Variants in TRMT1 observed in about 807,000 individuals in gnomAD.
TRMT1 encodes the protein tRNA (guanine(26)-N(2))-dimethyltransferase.
A neutral mutation model predicts 75.4 loss-of-function variants in TRMT1; 63 were observed. The ratio of observed to expected loss-of-function variants is 0.84; its 90% CI spans 0.68 to 1.03. The LOEUF (loss-of-function observed/expected upper bound fraction) is 1.03. Ranked by LOEUF, TRMT1 falls within the 50% of genes least tolerant of loss-of-function variation. The probability of loss-of-function intolerance (pLI) is 0.00; values close to 1 mark genes in which losing one functional copy is unlikely to be tolerated. For synonymous variants in TRMT1, 382 were observed against 358.1 expected, an observed-to-expected ratio of 1.07 and a Z score of -0.75; for missense variants, 870 against 905.3, an observed-to-expected ratio of 0.96 and a Z score of 0.50.
rs1266531810 is a variant in TRMT1, at chr19:13,115,575, T to A, written c.453+51A>T. On this transcript the variant is annotated intron_variant, in intron 4 of 16. Coordinates refer to ENST00000357720, the MANE Select transcript of TRMT1 (RefSeq NM_001136035.4). ...TATAGCTCTCCCCCTCCAGGAGCCC[T>A]CTGTCTCCCGCTAAATTCCAGGGCT... is the stretch of plus-strand genomic sequence containing the variant. The A allele has an allele frequency of 3.7e-6, 6 of 1,609,568 alleles. No homozygotes were observed. In the Admixed American group the frequency reaches 1.0e-4, roughly 27 times the overall value.
In TRMT1 at chr19:13,105,620, G is replaced by A. The variant is rs1452510180; in HGVS notation, c.1584-14C>T. ...TTGGCCTGCAGCCTAGGGAAGCAGG[G>A]GTGGGGCGTTGGGGCTGGGGGAAGC... On this transcript the variant is annotated splice_polypyrimidine_tract_variant and intron_variant, in intron 14 of 16. Transcript: ENST00000357720. The A allele has an allele frequency of 1.2e-6, 2 of 1,608,854 alleles. No homozygotes were observed. Among genetic ancestry groups the A allele is most frequent in the East Asian group, 2.2e-5 (1 of 44,854 alleles).
chr19:13,107,933 A>C (rs1452547439), intron 12 of TRMT1, 74 bp from the exon 13 acceptor site: 17 of 1,200,902 alleles, frequency 1.4e-5, no homozygotes, highest in Non-Finnish European at 1.9e-5. Context: ...CAGCGTAGGT[A>C]AGACTACCTT....
chr19:13,113,141 T>C (rs770615292), intron 5 of TRMT1, 130 bp from the exon 6 acceptor site: 1 of 517,902 alleles, frequency 1.9e-6, no homozygotes, highest in Non-Finnish European at 3.3e-6. Flanking sequence ...GTTCAAGTCC[T>C]GGCTCAGTCA....
At position 13,105,028 on chromosome 19, in the gene TRMT1, G is replaced by C. The variant is rs1320121599; in HGVS notation, c.1887C>G (p.Pro629=). The change falls in exon 17 of 17, where the codon CCC becomes CCG. Residue 629 remains proline, a synonymous_variant. Coordinates refer to ENST00000357720, the MANE Select transcript of TRMT1 (RefSeq NM_001136035.4). ...QCCYSHSPPT[P]RVSADAAPDC... ...CAGGGGCAGCATCAGCAGAAACCCTGGGTGTCGGGGGGCTGTGGGAGTAGC... is the reference window on the plus strand; with the variant it reads ...CAGGGGCAGCATCAGCAGAAACCCTCGGTGTCGGGGGGCTGTGGGAGTAGC... The C allele has an allele frequency of 1.2e-6, 2 of 1,610,824 alleles. No homozygotes were observed. Among genetic ancestry groups the C allele is most frequent in the Non-Finnish European group, 1.7e-6 (2 of 1,178,162 alleles).
intron 14 of TRMT1, among the ~76,000 whole-genome samples, chr19:13,107,125 C>T (rs554648596): frequency 1.7e-4 from 25 of 149,214 alleles, no homozygotes; most frequent in African/African-American, 5.2e-4. Context: ...CATGAGCCAC[C>T]GCACCCAGCT....
intron 3 of TRMT1, 29 bp downstream of exon 3, chr19:13,115,968 G>A (rs200623228): frequency 1.9e-6 from 3 of 1,613,780 alleles, no homozygotes; most frequent in Non-Finnish European, 2.5e-6. Context: ...TGTGACCCCC[G>A]CCCACCAGAA....
chr19:13,113,321 G>A (rs948425954), intron 5 of TRMT1, among the ~76,000 whole-genome samples: 1 of 151,944 alleles, frequency 6.6e-6, no homozygotes, highest in Non-Finnish European at 1.5e-5. Flanking sequence ...GTGCCACCAC[G>A]CCCAGCTAAT....
chr19:13,112,573 G>C, intron 7 of TRMT1, 132 bp downstream of exon 7: 1 of 775,752 alleles, frequency 1.3e-6, no homozygotes, highest in Non-Finnish European at 2.1e-6. Context: ...GTCGTTAACA[G>C]CCTGGGATGC....
chr19:13,115,806 GGTCCCC>G (rs1335905909), intron 3 of TRMT1, 38 bp from the exon 4 acceptor site: 1 of 1,612,454 alleles, frequency 6.2e-7, no homozygotes, highest in East Asian at 2.2e-5. Context: ...AGAATAACAA[GGTCCCC>G]TCTGAGAAAC....
At chr19:13,116,575 G>C in intron 1 of TRMT1, 78 bp downstream of exon 1, 2 of 898,278 alleles carry the variant, frequency 2.2e-6, no homozygotes, top group Non-Finnish European at 3.3e-6. Flanking sequence ...GGGATGACTG[G>C]TCCCTGTGGA....
intron 7 of TRMT1, 111 bp from the exon 8 acceptor site, chr19:13,110,417 G>A: frequency 3.9e-6 from 5 of 1,298,090 alleles, no homozygotes; most frequent in Non-Finnish European, 5.2e-6. Context: ...TGGGATCCAA[G>A]CCCACCCCTG....
chr19:13,110,005 TG>T lies in TRMT1; in HGVS notation c.1020-5del, dbSNP rs1352668880. 1.2e-6 allele frequency: 2 copies of T among 1,613,104 alleles called. No homozygotes were observed. Among genetic ancestry groups the T allele is most frequent in the East Asian group, 2.2e-5 (1 of 44,854 alleles). On this transcript the variant is annotated splice_polypyrimidine_tract_variant and splice_region_variant and intron_variant, in intron 8 of 16. Coordinates refer to ENST00000357720, the MANE Select transcript of TRMT1 (RefSeq NM_001136035.4). ...CTGGAACACCAGCGCCTGCTTGCTGTGGGGGGTACCAGTGGCCACGAGTTCC... is the reference window on the plus strand; with the variant it reads ...CTGGAACACCAGCGCCTGCTTGCTGTGGGGGTACCAGTGGCCACGAGTTCC...
Position 13,105,560 on chromosome 19 carries a change from G to A in TRMT1, c.1630C>T (p.Arg544Ter), listed in dbSNP as rs763302328. 2 of 1,613,982 alleles carry A rather than the reference G, an allele frequency of 1.2e-6. No individual in the cohort carries two copies. Among genetic ancestry groups the A allele is most frequent in the East Asian group, 2.2e-5 (1 of 44,862 alleles). Residue 544 changes from arginine to a stop codon, truncating the protein, a stop_gained, in exon 15 of 17, where the codon CGA becomes TGA. Transcript: ENST00000357720. LOFTEE classifies it high-confidence loss of function. ...TIREDANPSS[R>*]QRGLKRFQAN... ...TGGAAGCGCTTGAGTCCTCGCTGTC[G>A]GGAGCTGGGGTTGGCATCTTCCCGG... is the stretch of plus-strand genomic sequence containing the variant.
In TRMT1 at chr19:13,115,138, T is replaced by G. The variant is rs1442660515; in HGVS notation, c.641+141A>C. 19 of 886,824 alleles carry G rather than the reference T, an allele frequency of 2.1e-5. No individual in the cohort carries two copies. In the East Asian group the frequency reaches 5.1e-4, roughly 24 times the overall value. 54.9% of individuals were successfully genotyped at this position (886,824 alleles called of 1,614,324 possible). ...CACAGCAACCCCTGTAAAACTAATT[T>G]TCTCAGTTGACAGACAAGGAAACTG... On this transcript the variant is annotated intron_variant, in intron 5 of 16. Coordinates refer to ENST00000357720, the MANE Select transcript of TRMT1 (RefSeq NM_001136035.4).
chr19:13,105,542 G>A lies in TRMT1; in HGVS notation c.1648C>T (p.Arg550Cys), dbSNP rs759637863. 4 of 1,614,078 alleles carry A rather than the reference G, an allele frequency of 2.5e-6. No individual in the cohort carries two copies. Among genetic ancestry groups the A allele is most frequent in the East Asian group, 2.2e-5 (1 of 44,866 alleles). ...NPSSRQRGLK[R>C]FQANPEANWG... ...TTGGCCTCCGGGTTAGCCTGGAAGC[G>A]CTTGAGTCCTCGCTGTCGGGAGCTG... Residue 550 changes from arginine (R) to cysteine (C), a missense_variant, in exon 15 of 17, where the codon CGC becomes TGC. Arg to Cys is a radical substitution (Grantham distance 180, BLOSUM62 -3). Coordinates refer to ENST00000357720, the MANE Select transcript of TRMT1 (RefSeq NM_001136035.4).
chr19:13,112,412 T>TA (rs199836952), intron 7 of TRMT1, among the ~76,000 whole-genome samples: 1 of 151,700 alleles, frequency 6.6e-6, no homozygotes, highest in Non-Finnish European at 1.5e-5. Flanking sequence ...AAACGACCTT[T>TA]AAAAAAAAAA....
chr19:13,110,456 G>A, intron 7 of TRMT1, 150 bp from the exon 8 acceptor site: 1 of 865,326 alleles, frequency 1.2e-6, no homozygotes, highest in Non-Finnish European at 1.7e-6. Flanking sequence ...CCCTCAACAA[G>A]TGAGTATCCC....
At chr19:13,105,960 G>A (rs1318970537) in intron 14 of TRMT1, among the ~76,000 whole-genome samples, 1 of 152,120 alleles carries the variant, frequency 6.6e-6, no homozygotes, top group African/African-American at 2.4e-5. Context: ...TACTCGGGAC[G>A]CTGAGGCAGG....
rs2019343609 is a variant in TRMT1, at chr19:13,116,156, G to C, written c.244C>G (p.Arg82Gly). 2 of 1,614,070 alleles carry C rather than the reference G, an allele frequency of 1.2e-6. No individual in the cohort carries two copies. Among genetic ancestry groups the C allele is most frequent in the Non-Finnish European group, 1.7e-6 (2 of 1,180,020 alleles). The change falls in exon 2 of 17, where the codon CGG (arginine) becomes GGG (glycine). Residue 82 changes from arginine (R) to glycine (G), a missense_variant. By Grantham distance (125) the Arg-to-Gly change is moderately radical (BLOSUM62 -2). Transcript: ENST00000357720. ...CTGACCCCTGCTCACGTCAGGTCCC[G>C]ATTGAATTCCTGCACCGGGTTATAA... ...VFYNPVQEFN[R>G]DLTCAVITEF...
Sources: gnomAD v4.1 joint callset for allele counts (sites outside exome capture counted in the v4.1 genomes callset) on GRCh38, gnomAD v4.1.1 for gene constraint, MANE v1.5 for transcripts, NCBI Gene and HGNC (gene_info 2026-07-23, HGNC 2026-07-21) for gene names.